TEX10: variants seen among roughly 807,000 people sequenced by gnomAD.
The protein encoded by TEX10 is testis expressed 10, also known as testis-expressed protein 10.
Under a neutral mutation model 104.4 loss-of-function variants are expected in TEX10, and 24 were observed. That is an observed-to-expected ratio of 0.23 (90% CI 0.17 to 0.32). The LOEUF (loss-of-function observed/expected upper bound fraction) is 0.32, where lower values mean the gene tolerates loss of function less well. Among genes scored for constraint, TEX10 ranks in the 10% least tolerant of loss-of-function variants. TEX10 has a pLI of 1.00. For missense variants in TEX10, 921 were observed against 1,083.9 expected (o/e 0.85, Z 2.11); for synonymous variants, 396 against 393.4 (o/e 1.01, Z -0.08).
At chr9:100,332,345 T>A (rs2118895203) in intron 5 of TEX10, among the ~76,000 whole-genome samples, 1 of 152,362 alleles carries the variant, frequency 6.6e-6, no homozygotes, top group South Asian at 2.1e-4. Context: ...TCAGGCAGCA[T>A]AATCTATTAC....
chr9:100,310,606 T>A (rs924959040), intron 11 of TEX10, among the ~76,000 whole-genome samples: 1 of 152,006 alleles, frequency 6.6e-6, no homozygotes, highest in Non-Finnish European at 1.5e-5. Context: ...CCTGGCTAAT[T>A]TTTGTATTCT....
intron 5 of TEX10, among the ~76,000 whole-genome samples, chr9:100,334,472 A>C (rs1331125584): frequency 6.6e-6 from 1 of 152,160 alleles, no homozygotes; most frequent in African/African-American, 2.4e-5. Context: ...GAACTAAAGA[A>C]GACTCTAAAT....
intron 5 of TEX10, among the ~76,000 whole-genome samples, chr9:100,330,940 A>AC (rs1409625578): frequency 6.6e-6 from 1 of 151,966 alleles, no homozygotes; most frequent in East Asian, 1.9e-4. Flanking sequence ...ACACAGCGAG[A>AC]CCCCATCTCT....
At chr9:100,310,250 C>CA in intron 12 of TEX10, 49 bp downstream of exon 12, 1 of 1,475,662 alleles carries the variant, frequency 6.8e-7, no homozygotes, top group Non-Finnish European at 9.5e-7. Context: ...CTATTCTAAC[C>CA]AATGCATCCT....
At chr9:100,329,370 C>T in intron 6 of TEX10, 95 bp from the exon 7 acceptor site, 1 of 1,478,664 alleles carries the variant, frequency 6.8e-7, no homozygotes. Context: ...TACTTTCTTC[C>T]TATGGCAAAG....
intron 4 of TEX10, among the ~76,000 whole-genome samples, chr9:100,343,625 C>G (rs1039973678): frequency 2.7e-5 from 4 of 149,794 alleles, no homozygotes; most frequent in African/African-American, 9.8e-5. Flanking sequence ...TACCTGAATA[C>G]AAGTGAAATT....
chr9:100,336,094 G>A (rs1334294194), intron 5 of TEX10, among the ~76,000 whole-genome samples: 1 of 152,054 alleles, frequency 6.6e-6, no homozygotes, highest in Non-Finnish European at 1.5e-5. Flanking sequence ...TTGAACTCAG[G>A]AGGTGGAGGT....
intron 2 of TEX10, among the ~76,000 whole-genome samples, chr9:100,348,542 G>T (rs1240127113): frequency 6.6e-6 from 1 of 152,128 alleles, no homozygotes; most frequent in Non-Finnish European, 1.5e-5. Flanking sequence ...TGAATGACAG[G>T]ATTGTATCTT....
At position 100,352,299 on chromosome 9, in the gene TEX10, C is replaced by G. The variant is rs529027888; in HGVS notation, c.-10+473G>C. ...CCCAGGCAGGGGCGACCCCAGAAAA[C>G]TGGTAGTCCCCTTCCGCTCGCTTAA... On this transcript the variant is annotated intron_variant, in intron 1 of 14. Coordinates refer to ENST00000374902, the MANE Select transcript of TEX10 (RefSeq NM_017746.4). The G allele has an allele frequency of 2.8e-5, 42 of 1,509,872 alleles. No individual in the cohort carries two copies. The African/African-American group carries it at 4.7e-4, about 17-fold the overall frequency. 93.5% of individuals were successfully genotyped at this position (1,509,872 alleles called of 1,614,324 possible).
intron 4 of TEX10, among the ~76,000 whole-genome samples, chr9:100,345,181 AT>A (rs1835272077): frequency 6.6e-6 from 1 of 152,216 alleles, no homozygotes; most frequent in Non-Finnish European, 1.5e-5. Context: ...ATAAAATGCC[AT>A]CTTATTTGAA....
intron 4 of TEX10, among the ~76,000 whole-genome samples, chr9:100,344,096 A>G (rs1835241395): frequency 6.6e-6 from 1 of 152,234 alleles, no homozygotes; most frequent in Admixed American, 6.5e-5. Flanking sequence ...AATGGTTCTT[A>G]TCAAGTTATT....
At chr9:100,350,230 C>T (rs190268827) in intron 1 of TEX10, among the ~76,000 whole-genome samples, 4 of 152,176 alleles carry the variant, frequency 2.6e-5, no homozygotes, top group African/African-American at 7.2e-5. Context: ...CAGGCCACTA[C>T]TTTCAAGAAG....
chr9:100,305,154 G>C (rs768948939), intron 13 of TEX10: 3 of 152,204 alleles, frequency 2.0e-5, no homozygotes, highest in Non-Finnish European at 4.4e-5. Flanking sequence ...CATAGACCTA[G>C]AGTCCACTGA....
At chr9:100,341,717 G>T (rs73658714) in intron 4 of TEX10, among the ~76,000 whole-genome samples, 1 of 152,094 alleles carries the variant, frequency 6.6e-6, no homozygotes, top group Admixed American at 6.5e-5. Context: ...CAGCCAGGGT[G>T]ATCTTTTAAA....
intron 5 of TEX10, among the ~76,000 whole-genome samples, chr9:100,332,275 T>C (rs1834881884): frequency 6.6e-6 from 1 of 152,236 alleles, no homozygotes; most frequent in African/African-American, 2.4e-5. Context: ...AACACTGGGA[T>C]AGAATTGCAA....
chr9:100,320,549 A>T (rs1439333028), intron 10 of TEX10, 151 bp from the exon 11 acceptor site: 2 of 870,354 alleles, frequency 2.3e-6, no homozygotes, highest in Non-Finnish European at 3.4e-6. Flanking sequence ...GCTATATTTT[A>T]AAAAATAAAA....
intron 11 of TEX10, among the ~76,000 whole-genome samples, chr9:100,312,769 A>G (rs865837715): frequency 6.6e-6 from 1 of 152,208 alleles, no homozygotes; most frequent in Non-Finnish European, 1.5e-5. Context: ...ACAAGTCACC[A>G]TACAGACCCT....
intron 4 of TEX10, among the ~76,000 whole-genome samples, chr9:100,342,949 C>T (rs983937965): frequency 1.3e-5 from 2 of 151,862 alleles, no homozygotes; most frequent in African/African-American, 4.8e-5. Context: ...AGATCGAGAC[C>T]ATCCTGGCTG....
At chr9:100,322,326 AG>A (rs1834590594) in intron 9 of TEX10, among the ~76,000 whole-genome samples, 1 of 152,198 alleles carries the variant, frequency 6.6e-6, no homozygotes, top group African/African-American at 2.4e-5. Context: ...AGGACTCAAA[AG>A]GAATAGCTAA....
Sources: gnomAD v4.1 joint callset for allele counts (sites outside exome capture counted in the v4.1 genomes callset) on GRCh38, gnomAD v4.1.1 for gene constraint, MANE v1.5 for transcripts, NCBI Gene and HGNC (gene_info 2026-07-23, HGNC 2026-07-21) for gene names.